The following ZNF407 variants were observed in gnomAD, a reference collection of about 807,000 sequenced individuals.
ZNF407 encodes zinc finger protein 407.
In ZNF407, 17 loss-of-function variants were observed where a neutral mutation model predicts 131.2. The observed-to-expected ratio is 0.13, with a 90% confidence interval of 0.09 to 0.19. The LOEUF is 0.19. ZNF407 is among the 10% of genes least tolerant of loss of function. The pLI is 1.00. For missense variants in ZNF407, 2,681 were observed against 2,830.6 expected (o/e 0.95, Z 1.20); for synonymous variants, 1,156 against 1,062.0 (o/e 1.09, Z -1.72).
chr18:74,861,963 T>G (rs1202917641), intron 4 of ZNF407, among the ~76,000 whole-genome samples: 1 of 152,212 alleles, frequency 6.6e-6, no homozygotes, highest in Non-Finnish European at 1.5e-5. Flanking sequence ...TTCAGTGTTT[T>G]CATAGGTGCT....
intron 7 of ZNF407, 114 bp downstream of exon 7, chr18:74,890,152 G>C: frequency 5.9e-6 from 7 of 1,194,566 alleles, no homozygotes; most frequent in Non-Finnish European, 7.6e-6. Context: ...TCATATATTC[G>C]GTTGGGAGCT....
Position 74,631,816 on chromosome 18 carries a change from A to G in ZNF407, c.797A>G (p.Lys266Arg). 1 of 1,614,052 alleles carries G rather than the reference A, an allele frequency of 6.2e-7. No homozygotes were observed. The highest frequency in any genetic ancestry group is 8.5e-7 in the Non-Finnish European group (1 of 1,179,902). ...ENLLNAHYLG[K>R]THLRRQNLAA... ...TTGTTGAATGCACATTATCTTGGCA[A>G]AACACATCTCCGTCGTCAGAATCTG... is the stretch of plus-strand genomic sequence containing the variant. The change falls in exon 2 of 9, where the codon AAA becomes AGA. Residue 266 changes from lysine (K) to arginine (R), a missense_variant. By Grantham distance (26) the Lys-to-Arg change is conservative. Transcript: ENST00000299687.
chr18:74,943,135 C>T (rs2145270207), intron 8 of ZNF407, among the ~76,000 whole-genome samples: 1 of 152,140 alleles, frequency 6.6e-6, no homozygotes, highest in Non-Finnish European at 1.5e-5. Flanking sequence ...CCAGGATGGT[C>T]TCGATCTCCT....
chr18:74,785,520 A>G (rs1218797401), intron 4 of ZNF407, among the ~76,000 whole-genome samples: 2 of 152,138 alleles, frequency 1.3e-5, no homozygotes, highest in Non-Finnish European at 2.9e-5. Context: ...GCTTATTCTA[A>G]TTTATTTGAA....
At chr18:75,056,754 G>A (rs1030372908) in intron 8 of ZNF407, among the ~76,000 whole-genome samples, 18 of 152,238 alleles carry the variant, frequency 1.2e-4, no homozygotes, top group African/African-American at 4.3e-4. Flanking sequence ...CCAAACTATC[G>A]GTGACTGCTA....
chr18:74,964,895 A>G (rs894332353), intron 8 of ZNF407, among the ~76,000 whole-genome samples: 1 of 152,182 alleles, frequency 6.6e-6, no homozygotes, highest in Non-Finnish European at 1.5e-5. Context: ...TTCAGAGCCT[A>G]TGTGAAAAAC....
intron 4 of ZNF407, among the ~76,000 whole-genome samples, chr18:74,782,295 G>A (rs1443233195): frequency 6.6e-6 from 1 of 152,100 alleles, no homozygotes; most frequent in African/African-American, 2.4e-5. Context: ...AAAGTCACTA[G>A]TGATGCAATT....
chr18:74,848,034 A>T (rs1970726576), intron 4 of ZNF407, among the ~76,000 whole-genome samples: 1 of 152,030 alleles, frequency 6.6e-6, no homozygotes. Context: ...CTTTTTTTCT[A>T]ATTACAAATT....
chr18:74,688,399 C>T (rs2144792656), intron 3 of ZNF407, among the ~76,000 whole-genome samples: 1 of 152,304 alleles, frequency 6.6e-6, no homozygotes, highest in East Asian at 1.9e-4. Context: ...AACATCTCAG[C>T]TCTGAGGTGA....
intron 3 of ZNF407, among the ~76,000 whole-genome samples, chr18:74,763,698 A>G (rs1454454142): frequency 7.3e-6 from 1 of 136,376 alleles, no homozygotes; most frequent in African/African-American, 2.7e-5. Context: ...TGTCATTCTT[A>G]TCTTTGATTT....
intron 7 of ZNF407, among the ~76,000 whole-genome samples, chr18:74,906,745 GGT>G (rs10617910): frequency 0.061 from 9,237 of 151,820 alleles, 922 homozygotes; most frequent in African/African-American, 0.21. Flanking sequence ...TATATCTGTG[GGT>G]GTATATATGT....
rs117426721 is a variant in ZNF407 at position 74,635,951 on chromosome 18, A to G, written c.4687+245A>G. Reference sequence around the variant, plus strand: ...TTCTTTTAATTTTGTCAAAAAGCCTAGTCCCTCTGATGCCTTTTAAAAACT... The same window carrying G: ...TTCTTTTAATTTTGTCAAAAAGCCTGGTCCCTCTGATGCCTTTTAAAAACT... On this transcript the variant is annotated intron_variant, in intron 2 of 8. Transcript: ENST00000299687. The surrounding 1 kb of genome is among the most constrained non-coding windows in gnomAD (Gnocchi z 4.7). Among the ~76,000 whole-genome samples, 5 of 152,300 alleles carry G rather than the reference A, an allele frequency of 3.3e-5. No individual in the cohort carries two copies. The highest frequency in any genetic ancestry group is 1.9e-4 in the East Asian group (1 of 5,188).
At chr18:74,735,205 C>T (rs1021207193) in intron 3 of ZNF407, among the ~76,000 whole-genome samples, 2 of 152,118 alleles carry the variant, frequency 1.3e-5, no homozygotes, top group African/African-American at 2.4e-5. Context: ...TTGACATTTG[C>T]TTTCGATGCC....
At chr18:74,888,497 A>G (rs1440609377) in intron 6 of ZNF407, among the ~76,000 whole-genome samples, 3 of 152,136 alleles carry the variant, frequency 2.0e-5, no homozygotes, top group Middle Eastern at 3.2e-3. Context: ...GTATTTTACA[A>G]TTTAGAACAT....
At chr18:74,616,587 A>G (rs1983297069) in intron 1 of ZNF407, among the ~76,000 whole-genome samples, 1 of 151,862 alleles carries the variant, frequency 6.6e-6, no homozygotes, top group Non-Finnish European at 1.5e-5. Flanking sequence ...TTTATTTGGA[A>G]GTGATTTGAA....
chr18:75,020,316 A>ATGTGTG (rs56845489), intron 8 of ZNF407, among the ~76,000 whole-genome samples: 4 of 149,654 alleles, frequency 2.7e-5, no homozygotes, highest in East Asian at 4.0e-4. Context: ...GTGTATGTGC[A>ATGTGTG]TGTGTGTGTG....
intron 3 of ZNF407, among the ~76,000 whole-genome samples, chr18:74,686,742 G>T (rs904987203): frequency 3.3e-5 from 5 of 152,212 alleles, no homozygotes; most frequent in African/African-American, 1.2e-4. Flanking sequence ...CTTAGTGAAA[G>T]AAGTGATTCA....
chr18:74,720,863 C>G (rs1342098248), intron 3 of ZNF407, among the ~76,000 whole-genome samples: 1 of 150,688 alleles, frequency 6.6e-6, no homozygotes, highest in Non-Finnish European at 1.5e-5. Context: ...TATGCTAGTA[C>G]CATGCTGTTT....
intron 3 of ZNF407, among the ~76,000 whole-genome samples, chr18:74,757,624 G>T (rs113384974): frequency 6.6e-6 from 1 of 152,088 alleles, no homozygotes; most frequent in Non-Finnish European, 1.5e-5. Context: ...TGTTTTTATT[G>T]TGTGACATAT....
Sources: gnomAD v4.1 joint callset for allele counts (sites outside exome capture counted in the v4.1 genomes callset) on GRCh38, gnomAD v4.1.1 for gene constraint, Gnocchi (gnomAD v3.1) non-coding constraint, MANE v1.5 for transcripts, NCBI Gene and HGNC (gene_info 2026-07-23, HGNC 2026-07-21) for gene names.